The following GRAMD2B variants were observed in gnomAD, a reference collection of about 807,000 sequenced individuals.
The protein encoded by GRAMD2B is GRAM domain containing 2B, also known as GRAM domain-containing protein 2B.
A neutral mutation model predicts 59.2 loss-of-function variants in GRAMD2B; 41 were observed. That is an observed-to-expected ratio of 0.69 (90% CI 0.54 to 0.90). The LOEUF (loss-of-function observed/expected upper bound fraction) is 0.90. Among genes scored for constraint, GRAMD2B ranks in the 40% least tolerant of loss-of-function variants. The probability of loss-of-function intolerance (pLI) is 0.00; values close to 1 mark genes in which losing one functional copy is unlikely to be tolerated. For missense variants in GRAMD2B, 424 were observed against 500.5 expected, an observed-to-expected ratio of 0.85 and a Z score of 1.46; for synonymous variants, 161 against 182.7, an observed-to-expected ratio of 0.88 and a Z score of 0.96.
In GRAMD2B at chr5:126,360,527, G is replaced by T. The variant is rs867291055; in HGVS notation, c.128+68G>T. On this transcript the variant is annotated intron_variant, in intron 1 of 13. Coordinates refer to the GRAMD2B transcript ENST00000513040. ...GAGTGTGGCTTCTGTGGTTTAAAAG[G>T]CCTTTTTGGTATCTTAAGGACAGAG... 22 of 1,472,732 alleles carry T rather than the reference G, an allele frequency of 1.5e-5. No individual in the cohort carries two copies. The East Asian group carries it at 5.2e-4, about 35-fold the overall frequency. The allele number at this position is 1,472,732 out of a possible 1,614,324, so 91.2% of individuals were successfully genotyped here. A position where few individuals can be genotyped will look rare whatever the true frequency, so the allele number is the denominator to read the frequency against.
intron 1 of GRAMD2B, among the ~76,000 whole-genome samples, chr5:126,406,315 C>A (rs1051065862): frequency 6.6e-6 from 1 of 151,704 alleles, no homozygotes; most frequent in African/African-American, 2.4e-5. Context: ...TGTAACTAAC[C>A]TGCACGTTGT....
chr5:126,365,535 G>A (rs1469613386), intron 1 of GRAMD2B, among the ~76,000 whole-genome samples: 1 of 152,196 alleles, frequency 6.6e-6, no homozygotes, highest in East Asian at 1.9e-4. Flanking sequence ...AAATGTGAAT[G>A]TTTAAATGTT....
chr5:126,374,324 T>G (rs1755006983), intron 1 of GRAMD2B, among the ~76,000 whole-genome samples: 1 of 152,194 alleles, frequency 6.6e-6, no homozygotes, highest in South Asian at 2.1e-4. Flanking sequence ...AGGAGAAACA[T>G]CTTTTCAACA....
At chr5:126,479,587 G>A (rs1222170170) in intron 6 of GRAMD2B, among the ~76,000 whole-genome samples, 1 of 152,128 alleles carries the variant, frequency 6.6e-6, no homozygotes, top group Non-Finnish European at 1.5e-5. Flanking sequence ...AGTTAGAGGG[G>A]TTAAGCAATT....
At chr5:126,447,632 C>G (rs1427625751) in intron 1 of GRAMD2B, among the ~76,000 whole-genome samples, 1 of 150,100 alleles carries the variant, frequency 6.7e-6, no homozygotes. Context: ...CCACTGCACT[C>G]CAGCCTGGGC....
intron 5 of GRAMD2B, among the ~76,000 whole-genome samples, chr5:126,474,884 G>A (rs1052390561): frequency 6.6e-6 from 1 of 152,198 alleles, no homozygotes; most frequent in South Asian, 2.1e-4. Context: ...CTGAAAATTA[G>A]CAGGCCATGG....
At chr5:126,376,243 G>A (rs908705711) in intron 1 of GRAMD2B, among the ~76,000 whole-genome samples, 4 of 152,208 alleles carry the variant, frequency 2.6e-5, no homozygotes, top group African/African-American at 9.6e-5. Flanking sequence ...GGCCCAAGAT[G>A]GGAACTGAAG....
upstream of GRAMD2B, among the ~76,000 whole-genome samples, chr5:126,367,851 A>G (rs1029089959): frequency 8.2e-4 from 125 of 152,238 alleles, 1 homozygote; most frequent in African/African-American, 3.0e-3. Context: ...TTCCCGGTTC[A>G]CGCCATTCTC....
intron 1 of GRAMD2B, among the ~76,000 whole-genome samples, chr5:126,406,990 C>G (rs966836426): frequency 2.0e-5 from 3 of 152,132 alleles, no homozygotes; most frequent in Admixed American, 2.0e-4. Flanking sequence ...CTGCTCTGTG[C>G]ATAAAGAAAT....
rs769204649 is a variant in GRAMD2B, at chr5:126,493,153, T to C, written c.*197T>C. 17 of 569,004 alleles carry C rather than the reference T, an allele frequency of 3.0e-5. No homozygotes were observed. Among genetic ancestry groups the C allele is most frequent in the Middle Eastern group, 8.7e-4 (2 of 2,312 alleles). The allele number at this position is 569,004 out of a possible 1,614,324, so 35.2% of individuals were successfully genotyped here. On this transcript the variant is annotated 3_prime_UTR_variant, in exon 14 of 14. Coordinates refer to ENST00000285689, the MANE Select transcript of GRAMD2B (RefSeq NM_023927.4). ...GGTTCTTGTGCAATAAAAGTTGACC[T>C]TGACTCTCTGAGGAAGATTTTGCTG...
intron 1 of GRAMD2B, among the ~76,000 whole-genome samples, chr5:126,385,046 T>C (rs1008468485): frequency 6.6e-6 from 1 of 152,176 alleles, no homozygotes; most frequent in African/African-American, 2.4e-5. Flanking sequence ...TCAGGTAGGT[T>C]ATGGATGAAT....
intron 1 of GRAMD2B, among the ~76,000 whole-genome samples, chr5:126,449,185 C>T (rs1011605875): frequency 6.6e-6 from 1 of 152,130 alleles, no homozygotes; most frequent in African/African-American, 2.4e-5. Context: ...TGCTTATTTC[C>T]TTGAAAGTGG....
chr5:126,453,765 G>T (rs868227113), intron 1 of GRAMD2B, among the ~76,000 whole-genome samples: 3 of 152,204 alleles, frequency 2.0e-5, no homozygotes, highest in East Asian at 1.9e-4. Context: ...TGCCAATTCA[G>T]CAGTGGGGAA....
rs950861119 is a variant in GRAMD2B at position 126,382,842 on chromosome 5, G to C, written c.125+11275G>C. Among the ~76,000 whole-genome samples the C allele has an allele frequency of 4.6e-5, 7 of 152,110 alleles. 1 individual carries two copies. The highest frequency in any genetic ancestry group is 1.0e-4 in the Non-Finnish European group (7 of 68,024). Reference sequence around the variant, plus strand: ...AGACAATGTCAGAGGGAAGATCTGGGGCTCAAGGGCTGCTGTTCAGATTCT... The same window carrying C: ...AGACAATGTCAGAGGGAAGATCTGGCGCTCAAGGGCTGCTGTTCAGATTCT... On this transcript the variant is annotated intron_variant, in intron 1 of 8. Transcript: ENST00000506445.
At chr5:126,383,979 CTG>C (rs1366725029) in intron 1 of GRAMD2B, among the ~76,000 whole-genome samples, 4 of 152,110 alleles carry the variant, frequency 2.6e-5, no homozygotes, top group African/African-American at 9.7e-5. Flanking sequence ...CTGGTTGTGA[CTG>C]TTATAGGACA....
intron 1 of GRAMD2B, among the ~76,000 whole-genome samples, chr5:126,401,720 A>G (rs1330140192): frequency 1.3e-5 from 2 of 152,128 alleles, no homozygotes; most frequent in Non-Finnish European, 2.9e-5. Flanking sequence ...ACATCTGAAT[A>G]TAGATCTGCT....
intron 1 of GRAMD2B, among the ~76,000 whole-genome samples, chr5:126,426,579 G>A (rs1426352707): frequency 6.6e-6 from 1 of 152,176 alleles, no homozygotes; most frequent in Non-Finnish European, 1.5e-5. Flanking sequence ...TAAATAGGTT[G>A]CAGACTCAGA....
intron 1 of GRAMD2B, among the ~76,000 whole-genome samples, chr5:126,457,594 G>T (rs947041306): frequency 6.6e-6 from 1 of 151,826 alleles, no homozygotes; most frequent in Non-Finnish European, 1.5e-5. Context: ...TTGCACCACT[G>T]CACTCCAGCC....
intron 1 of GRAMD2B, among the ~76,000 whole-genome samples, chr5:126,409,602 G>A (rs1304709122): frequency 6.6e-6 from 1 of 152,080 alleles, no homozygotes; most frequent in African/African-American, 2.4e-5. Flanking sequence ...TTTGTCAGAT[G>A]AGTAGGTTGC....
Sources: gnomAD v4.1 joint callset for allele counts (sites outside exome capture counted in the v4.1 genomes callset) on GRCh38, gnomAD v4.1.1 for gene constraint, MANE v1.5 for transcripts, NCBI Gene and HGNC (gene_info 2026-07-23, HGNC 2026-07-21) for gene names.